The following OR51M1 variants were observed in gnomAD, a reference collection of about 807,000 sequenced individuals.
OR51M1 encodes the protein olfactory receptor 51M1.
For synonymous variants in OR51M1, 199 were observed against 155.1 expected, an observed-to-expected ratio of 1.28 and a Z score of -2.10; for missense variants, 509 against 404.4, an observed-to-expected ratio of 1.26 and a Z score of -2.22.
At chr11:5,385,856 T>A (rs758078096) in intron 2 of OR51M1, among the ~76,000 whole-genome samples, 181 of 141,890 alleles carry the variant, frequency 1.3e-3, no homozygotes, top group Non-Finnish European at 2.0e-3. Flanking sequence ...AAATGTATAT[T>A]CTATAAAGTA....
chr11:5,386,698 G>A (rs1275074734), intron 2 of OR51M1, among the ~76,000 whole-genome samples: 2 of 152,070 alleles, frequency 1.3e-5, no homozygotes, highest in African/African-American at 2.4e-5. Flanking sequence ...CATGTTGAAT[G>A]ACAGGTCAGG....
chr11:5,384,854 AACAGGCATGTTTACAGATG>A (rs1428030548), intron 1 of OR51M1, among the ~76,000 whole-genome samples: 2 of 152,152 alleles, frequency 1.3e-5, no homozygotes, highest in Non-Finnish European at 2.9e-5. Context: ...TCCTACTAAA[AACAGGCATGTTTACAGATG>A]AGTTTGACCA....
chr11:5,385,307 A>G (rs146901104), intron 1 of OR51M1, 46 bp from the exon 2 acceptor site: 2 of 152,184 alleles, frequency 1.3e-5, no homozygotes, highest in South Asian at 4.1e-4. Context: ...GAGGAAGTAT[A>G]CTTTCCAAGA....
chr11:5,391,589 G>T lies in OR51M1; in HGVS notation c.*1210G>T, dbSNP rs1849795999. 6.6e-6 allele frequency: 1 copy of T among 152,176 alleles called. No homozygotes were observed. The highest frequency in any genetic ancestry group is 6.5e-5 in the Admixed American group (1 of 15,286). The allele number at this position is 152,176 out of a possible 1,614,324, so 9.4% of individuals were successfully genotyped here. A position where few individuals can be genotyped will look rare whatever the true frequency, so the allele number is the denominator to read the frequency against. ...CAGAGCTAACAGAAGTTCTCTTCTT[G>T]TCTCGAGGAACTCCTCCTCTTCACA... On this transcript the variant is annotated 3_prime_UTR_variant, in exon 3 of 3. Transcript: ENST00000642046.
chr11:5,384,496 C>A (rs1316066587), intron 1 of OR51M1, among the ~76,000 whole-genome samples: 1 of 152,178 alleles, frequency 6.6e-6, no homozygotes, highest in Non-Finnish European at 1.5e-5. Context: ...AGCTCATCTG[C>A]AGTATTCTGT....
chr11:5,390,164 C>T lies in OR51M1; in HGVS notation c.766C>T (p.Pro256Ser). Residue 256 changes from proline (P) to serine (S), a missense_variant, in exon 3 of 3, where the codon CCT becomes TCT. Transcript: ENST00000642046. ...CCGTGCCTTTCAGACATGCACCGCT[C>T]CTCTCTGTGCTGTGCTAGTATTCTT... ...QRRAFQTCTA[P>S]LCAVLVFFVP... is the part of the protein sequence containing the mutation. The T allele has an allele frequency of 6.2e-7, 1 of 1,613,882 alleles. No individual in the cohort carries two copies. The highest frequency in any genetic ancestry group is 8.5e-7 in the Non-Finnish European group (1 of 1,179,834).
chr11:5,388,375 G>C (rs1849734590), intron 2 of OR51M1, among the ~76,000 whole-genome samples: 1 of 151,568 alleles, frequency 6.6e-6, no homozygotes, highest in Non-Finnish European at 1.5e-5. Context: ...ATAGGAGAGG[G>C]TATTCAAACT....
At chr11:5,388,440 G>A (rs781260431) in intron 2 of OR51M1, among the ~76,000 whole-genome samples, 4 of 151,050 alleles carry the variant, frequency 2.6e-5, no homozygotes, top group African/African-American at 4.9e-5. Flanking sequence ...AAGCTAAGGT[G>A]GGTTATATTA....
At chr11:5,389,106 C>T (rs1436100966) in intron 2 of OR51M1, among the ~76,000 whole-genome samples, 1 of 151,952 alleles carries the variant, frequency 6.6e-6, no homozygotes, top group Non-Finnish European at 1.5e-5. Context: ...AGAATATGGC[C>T]AGGAAATTGC....
At chr11:5,385,824 A>G (rs1340979562) in intron 2 of OR51M1, among the ~76,000 whole-genome samples, 2 of 148,982 alleles carry the variant, frequency 1.3e-5, no homozygotes, top group Non-Finnish European at 3.0e-5. Context: ...AAGTATATAA[A>G]GAATATATAA....
chr11:5,387,008 A>G (rs11037150), intron 2 of OR51M1, among the ~76,000 whole-genome samples: 23,747 of 152,114 alleles, frequency 0.16, 1,880 homozygotes, highest in African/African-American at 0.17. Context: ...GCAGAAACTC[A>G]GGCCTGATAT....
intron 2 of OR51M1, among the ~76,000 whole-genome samples, chr11:5,388,082 A>C (rs1849728792): frequency 6.6e-6 from 1 of 152,158 alleles, no homozygotes. Context: ...TATTTATTGA[A>C]TCAATTAATG....
At chr11:5,385,565 A>G (rs1849676007) in intron 2 of OR51M1, 107 bp downstream of exon 2, 1 of 152,116 alleles carries the variant, frequency 6.6e-6, no homozygotes, top group African/African-American at 2.4e-5. Context: ...GCCTTTAGAG[A>G]ATTCCAGTCT....
chr11:5,388,200 T>G (rs893352338), intron 2 of OR51M1, among the ~76,000 whole-genome samples: 1 of 152,032 alleles, frequency 6.6e-6, no homozygotes, highest in East Asian at 1.9e-4. Flanking sequence ...ATTCCAATGA[T>G]ATGGTGGCTA....
At chr11:5,385,540 T>C (rs922933308) in intron 2 of OR51M1, 82 bp downstream of exon 2, 1 of 152,124 alleles carries the variant, frequency 6.6e-6, no homozygotes, top group African/African-American at 2.4e-5. Context: ...TCTTAGACAC[T>C]GTCAGGCTCC....
At chr11:5,393,263 GAATGT>G (rs1157902196), downstream of OR51M1, 6 of 152,098 alleles carry the variant, frequency 3.9e-5, no homozygotes, top group African/African-American at 1.4e-4. Flanking sequence ...ATAATTTTAA[GAATGT>G]AAGCATACAA....
At chr11:5,389,231 CA>C in intron 2 of OR51M1, 152 bp from the exon 3 acceptor site, 1 of 703,292 alleles carries the variant, frequency 1.4e-6, no homozygotes, top group East Asian at 2.5e-5. Context: ...GCGAGGTTAT[CA>C]AAGAAAGTTC....
chr11:5,389,540 A>C lies in OR51M1; in HGVS notation c.142A>C (p.Met48Leu), dbSNP rs769009124. 1 of 1,613,906 alleles carries C rather than the reference A, an allele frequency of 6.2e-7. No individual in the cohort carries two copies. The highest frequency in any genetic ancestry group is 1.1e-5 in the South Asian group (1 of 91,082). The change falls in exon 3 of 3, where the codon ATG (methionine) becomes CTG (leucine). Residue 48 changes from methionine (M) to leucine (L), a missense_variant. Coordinates refer to ENST00000642046, the MANE Select transcript of OR51M1 (RefSeq NM_001004756.3). Reference sequence around the variant, plus strand: ...TTTCATCCCCTTTTTCTTTATGTACATGGTTGCCATCTCAGGCAATTGTTT... The same window carrying C: ...TTTCATCCCCTTTTTCTTTATGTACCTGGTTGCCATCTCAGGCAATTGTTT... Reference protein sequence around the residue: ...WIFIPFFFMYMVAISGNCFIL... With the variant: ...WIFIPFFFMYLVAISGNCFIL...
In OR51M1 at chr11:5,390,401, C is replaced by A. The variant is rs764001992; in HGVS notation, c.*22C>A. 1 of 1,542,234 alleles carries A rather than the reference C, an allele frequency of 6.5e-7. No homozygotes were observed. Among genetic ancestry groups the A allele is most frequent in the Non-Finnish European group, 8.8e-7 (1 of 1,142,016 alleles). The stretch of plus-strand genomic sequence containing the variant: ...ATGAGTCCTGGGGCTAAAACTCCCC[C>A]TAGAGGCCTATAAGAAGGCCCCAAA... On this transcript the variant is annotated 3_prime_UTR_variant, in exon 3 of 3. Transcript: ENST00000642046.
Sources: allele counts gnomAD v4.1 joint callset (sites outside exome capture counted in the v4.1 genomes callset), GRCh38; gene constraint gnomAD v4.1.1; transcripts MANE v1.5; gene names NCBI Gene and HGNC (gene_info 2026-07-23, HGNC 2026-07-21).